LRRTM4: variants seen among roughly 807,000 people sequenced by gnomAD.
The protein encoded by LRRTM4 is leucine-rich repeat transmembrane neuronal protein 4.
LRRTM4 carries 25 observed loss-of-function variants against 47.6 expected under a neutral mutation model. The ratio of observed to expected loss-of-function variants is 0.53; its 90% CI spans 0.38 to 0.73. The LOEUF is 0.73. Among genes scored for constraint, LRRTM4 ranks in the 30% least tolerant of loss-of-function variants. The pLI, the probability that LRRTM4 is intolerant of heterozygous loss-of-function variation, is 0.00. For synonymous variants in LRRTM4, 311 were observed against 269.5 expected (o/e 1.15, Z -1.51); for missense variants, 638 against 713.4 (o/e 0.89, Z 1.20).
intron 3 of LRRTM4, among the ~76,000 whole-genome samples, chr2:77,209,509 T>A (rs945360283): frequency 1.3e-5 from 2 of 151,988 alleles, no homozygotes; most frequent in Non-Finnish European, 2.9e-5. Flanking sequence ...GTTGCAGTAG[T>A]GGGGTCAATG....
intron 3 of LRRTM4, among the ~76,000 whole-genome samples, chr2:77,072,130 G>C (rs1680174530): frequency 6.6e-6 from 1 of 151,994 alleles, no homozygotes; most frequent in Non-Finnish European, 1.5e-5. Flanking sequence ...AGAGTCATAA[G>C]AATGTTATTA....
intron 3 of LRRTM4, among the ~76,000 whole-genome samples, chr2:77,444,703 T>G (rs1675981181): frequency 6.6e-6 from 1 of 152,038 alleles, no homozygotes; most frequent in Admixed American, 6.6e-5. Context: ...ATTACTAAAC[T>G]CAAAACAGGA....
At chr2:77,457,018 A>T (rs1219486606) in intron 3 of LRRTM4, among the ~76,000 whole-genome samples, 1 of 121,430 alleles carries the variant, frequency 8.2e-6, no homozygotes, top group South Asian at 3.0e-4. Context: ...ATATATATAT[A>T]TATATATATA....
chr2:77,439,775 C>G (rs1468327259), intron 3 of LRRTM4, among the ~76,000 whole-genome samples: 1 of 152,088 alleles, frequency 6.6e-6, no homozygotes, highest in Non-Finnish European at 1.5e-5. Flanking sequence ...TATCTGGAAG[C>G]CAGTATTGTG....
intron 3 of LRRTM4, among the ~76,000 whole-genome samples, chr2:77,007,545 G>C (rs1360798998): frequency 6.6e-6 from 1 of 152,130 alleles, no homozygotes; most frequent in East Asian, 1.9e-4. Context: ...TAATTACAAG[G>C]TCTGAGAAAG....
At chr2:76,889,866 T>C (rs558079963) in intron 3 of LRRTM4, among the ~76,000 whole-genome samples, 1 of 151,234 alleles carries the variant, frequency 6.6e-6, no homozygotes, top group South Asian at 2.1e-4. Flanking sequence ...GAGATTGAGG[T>C]AGGATGATTG....
chr2:77,206,104 A>T (rs1023295223), intron 3 of LRRTM4, among the ~76,000 whole-genome samples: 8 of 151,934 alleles, frequency 5.3e-5, no homozygotes, highest in Non-Finnish European at 1.2e-4. Flanking sequence ...TGGCCTTCTA[A>T]AGTGCTGAGA....
intron 3 of LRRTM4, among the ~76,000 whole-genome samples, chr2:77,228,701 G>A (rs1402956652): frequency 6.6e-6 from 1 of 152,324 alleles, no homozygotes; most frequent in Admixed American, 6.5e-5. Context: ...CCAAAGTTCT[G>A]TCAAAACATA....
intron 3 of LRRTM4, among the ~76,000 whole-genome samples, chr2:77,510,886 C>A (rs1348609823): frequency 1.3e-5 from 2 of 151,876 alleles, no homozygotes; most frequent in Non-Finnish European, 2.9e-5. Flanking sequence ...TACGTCTGAC[C>A]ATTTTATTTT....
intron 3 of LRRTM4, among the ~76,000 whole-genome samples, chr2:77,448,526 C>T (rs959721918): frequency 6.6e-6 from 1 of 152,134 alleles, no homozygotes; most frequent in South Asian, 2.1e-4. Context: ...CTGCAGTCTG[C>T]ATTTCAAATT....
intron 3 of LRRTM4, among the ~76,000 whole-genome samples, chr2:77,099,148 A>T (rs547858120): frequency 6.6e-6 from 1 of 151,974 alleles, no homozygotes; most frequent in Non-Finnish European, 1.5e-5. Context: ...TGATACAAGA[A>T]TGTTCACAAC....
At chr2:76,882,832 C>T (rs1672969309) in intron 3 of LRRTM4, among the ~76,000 whole-genome samples, 1 of 152,134 alleles carries the variant, frequency 6.6e-6, no homozygotes, top group Admixed American at 6.5e-5. Context: ...GGAATCTGCA[C>T]TCCAGAGCTA....
chr2:76,799,906 G>A lies in LRRTM4; in HGVS notation c.1552-50990C>T, dbSNP rs186954349. Among the ~76,000 whole-genome samples the A allele has an allele frequency of 2.5e-3, 370 of 150,540 alleles. 2 individuals are homozygous for A. The highest frequency in any genetic ancestry group is 8.7e-3 in the African/African-American group (354 of 40,802). On this transcript the variant is annotated intron_variant, in intron 3 of 3. Transcript: ENST00000409884. ...AATCCAACTTACAAGGGATGAGAAG[G>A]ACCTCTTCAAGGAGAACTACAAACC...
intron 3 of LRRTM4, among the ~76,000 whole-genome samples, chr2:77,458,480 C>T (rs193296920): frequency 7.2e-5 from 11 of 152,130 alleles, no homozygotes; most frequent in Non-Finnish European, 1.3e-4. Flanking sequence ...GCCAATGGAA[C>T]CTGAGAAGCA....
At chr2:77,139,123 T>C (rs973580850) in intron 3 of LRRTM4, among the ~76,000 whole-genome samples, 9 of 152,142 alleles carry the variant, frequency 5.9e-5, no homozygotes, top group Non-Finnish European at 2.9e-5. Flanking sequence ...ACACATTTTA[T>C]GAGGCCAGCA....
At chr2:77,368,394 G>A (rs1198118860) in intron 3 of LRRTM4, among the ~76,000 whole-genome samples, 1 of 151,630 alleles carries the variant, frequency 6.6e-6, no homozygotes, top group African/African-American at 2.4e-5. Flanking sequence ...CTTTTCCCTT[G>A]TCTTTGAGGT....
At chr2:77,118,860 G>A (rs1671455608) in intron 3 of LRRTM4, among the ~76,000 whole-genome samples, 1 of 151,788 alleles carries the variant, frequency 6.6e-6, no homozygotes. Context: ...ATAAAGCTGA[G>A]TAGACCATAT....
chr2:76,875,058 A>C (rs954532361), intron 3 of LRRTM4, among the ~76,000 whole-genome samples: 7 of 152,086 alleles, frequency 4.6e-5, no homozygotes, highest in Non-Finnish European at 1.0e-4. Flanking sequence ...AAGTCATTTT[A>C]ATGTCTATAG....
intron 3 of LRRTM4, among the ~76,000 whole-genome samples, chr2:77,419,858 CA>C (rs1483637582): frequency 1.3e-5 from 2 of 151,534 alleles, no homozygotes; most frequent in Admixed American, 6.6e-5. Context: ...TCCAGAAATA[CA>C]AAGGAAAGGA....
Sources: gnomAD v4.1 joint callset for allele counts (sites outside exome capture counted in the v4.1 genomes callset) on GRCh38, gnomAD v4.1.1 for gene constraint, MANE v1.5 for transcripts, NCBI Gene and HGNC (gene_info 2026-07-23, HGNC 2026-07-21) for gene names.